The following FARP1 variants were observed in gnomAD, a reference collection of about 807,000 sequenced individuals.
FARP1 encodes the protein FERM, ARHGEF and pleckstrin domain-containing protein 1.
In FARP1, 52 loss-of-function variants were observed where a neutral mutation model predicts 128.8. The ratio of observed to expected loss-of-function variants is 0.40; its 90% confidence interval spans 0.32 to 0.51. FARP1 has a LOEUF of 0.51. Ranked by LOEUF, FARP1 falls within the 20% of genes least tolerant of loss-of-function variation. The pLI is 0.45. For synonymous variants in FARP1, 580 were observed against 551.8 expected, an observed-to-expected ratio of 1.05 and a Z score of -0.72; for missense variants, 1,333 against 1,367.9, an observed-to-expected ratio of 0.97 and a Z score of 0.40.
intron 1 of FARP1, among the ~76,000 whole-genome samples, chr13:98,167,461 G>A (rs909563238): frequency 6.8e-6 from 1 of 147,838 alleles, no homozygotes; most frequent in African/African-American, 2.5e-5. Flanking sequence ...CCAGGCTGGA[G>A]TGCAGTGGCG....
intron 24 of FARP1, 55 bp downstream of exon 24, chr13:98,440,891 C>G: frequency 6.6e-7 from 1 of 1,518,614 alleles, no homozygotes; most frequent in South Asian, 1.2e-5. Context: ...CAGGCAGAAC[C>G]CAGGCAAACT....
chr13:98,200,387 A>ACCCCC (rs34861204), intron 1 of FARP1, among the ~76,000 whole-genome samples: 291 of 127,584 alleles, frequency 2.3e-3, no homozygotes, highest in Middle Eastern at 4.9e-3. Flanking sequence ...TGCAACCTTC[A>ACCCCC]CCCCCCCCCC....
intron 2 of FARP1, among the ~76,000 whole-genome samples, chr13:98,215,047 C>T (rs779197959): frequency 7.9e-5 from 12 of 152,202 alleles, no homozygotes; most frequent in Non-Finnish European, 1.5e-4. Flanking sequence ...CTGGCAAATG[C>T]TGCTCTTGTG....
chr13:98,264,503 A>G (rs1278254166), intron 2 of FARP1, among the ~76,000 whole-genome samples: 5 of 152,176 alleles, frequency 3.3e-5, no homozygotes, highest in Non-Finnish European at 5.9e-5. Flanking sequence ...GTGGCACCAC[A>G]GGGCTTGTGT....
rs572978210 is a variant in FARP1 at position 98,287,790 on chromosome 13, C to A, written c.172-55972C>A. Among the ~76,000 whole-genome samples the A allele has an allele frequency of 9.0e-5, 13 of 143,960 alleles. No homozygotes were observed. The East Asian group carries it at 2.8e-3, about 31-fold the overall frequency. 94.4% of individuals were successfully genotyped at this position (143,960 alleles called of 152,430 possible). The stretch of plus-strand genomic sequence containing the variant: ...GCTTGAAAACTGGTTATGCCATGTC[C>A]CAGGCACTTCTTTTTTTTTTTTTTT... On this transcript the variant is annotated intron_variant, in intron 2 of 26. Coordinates refer to ENST00000319562, the MANE Select transcript of FARP1 (RefSeq NM_005766.4).
chr13:98,286,663 A>C (rs1226296895), intron 2 of FARP1, among the ~76,000 whole-genome samples: 1 of 152,156 alleles, frequency 6.6e-6, no homozygotes, highest in African/African-American at 2.4e-5. Flanking sequence ...CTTTATCAGC[A>C]GCGTGAAAAT....
intron 2 of FARP1, among the ~76,000 whole-genome samples, chr13:98,241,097 G>A (rs1175352099): frequency 6.6e-6 from 1 of 152,228 alleles, no homozygotes; most frequent in African/African-American, 2.4e-5. Context: ...TTAAGGGACT[G>A]TCGTATGGGG....
intron 1 of FARP1, among the ~76,000 whole-genome samples, chr13:98,167,064 ACTC>A (rs1877316641): frequency 6.6e-6 from 1 of 151,488 alleles, no homozygotes; most frequent in Admixed American, 6.6e-5. Context: ...TTTTCTTACT[ACTC>A]GTTGTGGTTG....
chr13:98,267,581 A>G (rs1884185302), intron 2 of FARP1, among the ~76,000 whole-genome samples: 2 of 152,142 alleles, frequency 1.3e-5, no homozygotes, highest in African/African-American at 4.8e-5. Flanking sequence ...CTATATCCTT[A>G]TTGGAAAATG....
intron 2 of FARP1, among the ~76,000 whole-genome samples, chr13:98,301,348 TGGA>T (rs1275921371): frequency 2.0e-5 from 3 of 152,126 alleles, no homozygotes; most frequent in Non-Finnish European, 4.4e-5. Flanking sequence ...GGTGAAGAGG[TGGA>T]GAAGTCAGAC....
chr13:98,216,069 G>C (rs1463102103), intron 2 of FARP1, among the ~76,000 whole-genome samples: 1 of 152,158 alleles, frequency 6.6e-6, no homozygotes, highest in African/African-American at 2.4e-5. Context: ...GATTACAGGT[G>C]GGAGCCATCA....
intron 2 of FARP1, among the ~76,000 whole-genome samples, chr13:98,283,212 C>T (rs12427847): frequency 1.3e-5 from 2 of 152,116 alleles, no homozygotes; most frequent in Admixed American, 1.3e-4. Context: ...TGTCATTTGA[C>T]TTAGTTAGGA....
chr13:98,190,541 A>C (rs1464147448), intron 1 of FARP1, among the ~76,000 whole-genome samples: 9 of 151,356 alleles, frequency 5.9e-5, no homozygotes, highest in African/African-American at 1.7e-4. Flanking sequence ...GGTAATAAGC[A>C]TCAGATGACA....
chr13:98,248,042 C>A (rs765547141), intron 2 of FARP1, among the ~76,000 whole-genome samples: 5 of 152,184 alleles, frequency 3.3e-5, no homozygotes, highest in Non-Finnish European at 5.9e-5. Flanking sequence ...TGAACAAAAA[C>A]CTTCGCAGCC....
At chr13:98,403,444 A>C (rs1890851704) in intron 13 of FARP1, 2 of 152,224 alleles carry the variant, frequency 1.3e-5, no homozygotes, top group Non-Finnish European at 1.5e-5. Context: ...TTTTGAATGG[A>C]AACATCTATT....
intron 1 of FARP1, among the ~76,000 whole-genome samples, chr13:98,150,726 T>C (rs1434140176): frequency 6.6e-6 from 1 of 152,176 alleles, no homozygotes; most frequent in East Asian, 1.9e-4. Context: ...AACACTTTTG[T>C]TCTTACCTAA....
chr13:98,221,910 C>T (rs1291348110), intron 2 of FARP1, among the ~76,000 whole-genome samples: 1 of 152,194 alleles, frequency 6.6e-6, no homozygotes, highest in African/African-American at 2.4e-5. Flanking sequence ...AAACATTGCA[C>T]ATATTAAATG....
At chr13:98,178,987 A>G (rs982363507) in intron 1 of FARP1, among the ~76,000 whole-genome samples, 9 of 152,206 alleles carry the variant, frequency 5.9e-5, no homozygotes, top group Non-Finnish European at 1.0e-4. Flanking sequence ...TTGGGCTTGT[A>G]CACTGGACTG....
intron 2 of FARP1, among the ~76,000 whole-genome samples, chr13:98,255,343 G>GA (rs1366541995): frequency 1.3e-5 from 2 of 151,742 alleles, no homozygotes; most frequent in African/African-American, 4.9e-5. Flanking sequence ...ACTAAAAATA[G>GA]AAAAAAAAAT....
Sources: gnomAD v4.1 joint callset for allele counts (sites outside exome capture counted in the v4.1 genomes callset) on GRCh38, gnomAD v4.1.1 for gene constraint, MANE v1.5 for transcripts, NCBI Gene and HGNC (gene_info 2026-07-23, HGNC 2026-07-21) for gene names.